LRRC4C: variants seen among roughly 807,000 people sequenced by gnomAD.
The protein encoded by LRRC4C is leucine-rich repeat-containing protein 4C.
In LRRC4C, 5 loss-of-function variants were observed where a neutral mutation model predicts 33.6. That is an observed-to-expected ratio of 0.15 (90% CI 0.08 to 0.31). The LOEUF is 0.31. LRRC4C is among the 10% of genes least tolerant of loss of function. LRRC4C has a pLI of 1.00. For missense variants in LRRC4C, 560 were observed against 796.7 expected, an observed-to-expected ratio of 0.70 and a Z score of 3.58; for synonymous variants, 329 against 302.0, an observed-to-expected ratio of 1.09 and a Z score of -0.93.
chr11:40,736,889 G>A (rs1242557905), intron 2 of LRRC4C, among the ~76,000 whole-genome samples: 1 of 144,176 alleles, frequency 6.9e-6, no homozygotes, highest in Non-Finnish European at 1.5e-5. Context: ...ATTTGTTCAA[G>A]TTCTTTGTAT....
intron 2 of LRRC4C, among the ~76,000 whole-genome samples, chr11:40,910,984 C>A (rs1956651180): frequency 6.6e-6 from 1 of 152,190 alleles, no homozygotes; most frequent in Non-Finnish European, 1.5e-5. Context: ...TGCAAGGCAG[C>A]AGCAAGGCTG....
chr11:40,531,504 A>G (rs1451836276), intron 3 of LRRC4C, among the ~76,000 whole-genome samples: 1 of 152,142 alleles, frequency 6.6e-6, no homozygotes, highest in African/African-American at 2.4e-5. Context: ...AATTAAGCAG[A>G]TATAAAGTGA....
chr11:41,252,764 C>T (rs1948682358), intron 1 of LRRC4C, among the ~76,000 whole-genome samples: 1 of 152,148 alleles, frequency 6.6e-6, no homozygotes. Context: ...GCCTCACAAT[C>T]ATAGCAGAAG....
intron 2 of LRRC4C, among the ~76,000 whole-genome samples, chr11:40,843,966 A>G (rs1434252038): frequency 2.6e-5 from 4 of 152,142 alleles, no homozygotes; most frequent in Non-Finnish European, 5.9e-5. Context: ...AACTTTTTGG[A>G]GCCATATTTT....
intron 3 of LRRC4C, among the ~76,000 whole-genome samples, chr11:40,380,427 T>C (rs1821317493): frequency 2.0e-5 from 3 of 152,212 alleles, no homozygotes; most frequent in Non-Finnish European, 4.4e-5. Flanking sequence ...AATCCTAAGC[T>C]ATATAATATA....
chr11:40,533,822 T>C (rs12291752), intron 3 of LRRC4C, among the ~76,000 whole-genome samples: 13,357 of 152,176 alleles, frequency 0.088, 1,661 homozygotes, highest in African/African-American at 0.28. Context: ...AAGTGAATCC[T>C]GGTGTTTCCT....
intron 5 of LRRC4C, among the ~76,000 whole-genome samples, chr11:40,154,185 G>A (rs1197415245): frequency 6.6e-6 from 1 of 150,762 alleles, no homozygotes; most frequent in Non-Finnish European, 1.5e-5. Flanking sequence ...GCAAAACTAA[G>A]CATCACATAT....
At chr11:41,360,292 C>T (rs72896519) in intron 1 of LRRC4C, among the ~76,000 whole-genome samples, 1 of 152,322 alleles carries the variant, frequency 6.6e-6, no homozygotes, top group Non-Finnish European at 1.5e-5. Flanking sequence ...CTGAGCTCTT[C>T]ACTTTCCAAC....
At position 40,936,284 on chromosome 11, in the gene LRRC4C, T is replaced by G. The variant is rs1488891941; in HGVS notation, c.-495-2561A>C. Among the ~76,000 whole-genome samples the G allele has an allele frequency of 2.0e-5, 3 of 150,042 alleles. No homozygotes were observed. The South Asian group carries it at 6.3e-4, about 32-fold the overall frequency. ...CCTGATTTAAAGGGCCTGAGAAATA[T>G]GTCATATGCTAATAATGAATTTAAT... On this transcript the variant is annotated intron_variant, in intron 1 of 6. Transcript: ENST00000528697.
rs562304559 is a variant in LRRC4C at position 40,239,614 on chromosome 11, T to C, written c.-96+1905A>G. Among the ~76,000 whole-genome samples, 4 of 152,336 alleles carry C rather than the reference T, an allele frequency of 2.6e-5. No homozygotes were observed. The South Asian group carries it at 8.3e-4, about 32-fold the overall frequency. ...CTTGTAAAGAGACAAAAACCAACTC[T>C]TCTCCCTTAGTAATGGATAGACTGT... On this transcript the variant is annotated intron_variant, in intron 5 of 6. Transcript: ENST00000528697.
chr11:41,435,432 A>C (rs1161812051), intron 1 of LRRC4C, among the ~76,000 whole-genome samples: 1 of 152,156 alleles, frequency 6.6e-6, no homozygotes, highest in Non-Finnish European at 1.5e-5. Flanking sequence ...TCTATTACTA[A>C]AGAGAACCCG....
intron 6 of LRRC4C, among the ~76,000 whole-genome samples, chr11:40,139,234 C>T (rs1212360963): frequency 6.6e-6 from 1 of 152,140 alleles, no homozygotes; most frequent in East Asian, 1.9e-4. Context: ...CTGCATATAG[C>T]CTCAAGTCCA....
intron 2 of LRRC4C, among the ~76,000 whole-genome samples, chr11:40,857,010 A>G (rs7929217): frequency 0.7 from 106,296 of 152,110 alleles, 40,935 homozygotes; most frequent in Non-Finnish European, 0.85. Flanking sequence ...CAAACTGTTC[A>G]TTTTATAGAT....
At chr11:40,476,423 A>G (rs2138352289) in intron 3 of LRRC4C, among the ~76,000 whole-genome samples, 1 of 134,828 alleles carries the variant, frequency 7.4e-6, no homozygotes, top group South Asian at 2.3e-4. Flanking sequence ...TCAGCTCACC[A>G]CAGCCTCTGC....
chr11:41,024,508 C>T (rs1185353750), intron 1 of LRRC4C, among the ~76,000 whole-genome samples: 1 of 151,692 alleles, frequency 6.6e-6, no homozygotes, highest in Non-Finnish European at 1.5e-5. Flanking sequence ...TCTTCCAAGA[C>T]ACATTCCTTT....
intron 1 of LRRC4C, among the ~76,000 whole-genome samples, chr11:41,199,698 A>G (rs1450265384): frequency 6.6e-6 from 1 of 152,032 alleles, no homozygotes; most frequent in Non-Finnish European, 1.5e-5. Flanking sequence ...TCCATTGCTT[A>G]TGAAACTCCA....
chr11:40,989,013 C>A (rs1853306515), intron 1 of LRRC4C, among the ~76,000 whole-genome samples: 1 of 152,068 alleles, frequency 6.6e-6, no homozygotes, highest in Admixed American at 6.5e-5. Context: ...AGCCACCGCG[C>A]CTGGCCTCAT....
At chr11:40,985,448 G>T (rs1410782966) in intron 1 of LRRC4C, among the ~76,000 whole-genome samples, 1 of 151,550 alleles carries the variant, frequency 6.6e-6, no homozygotes, top group African/African-American at 2.4e-5. Context: ...TGGTAATATT[G>T]GGGTTAAAAA....
At chr11:41,119,423 G>T (rs1429514775) in intron 1 of LRRC4C, among the ~76,000 whole-genome samples, 3 of 152,126 alleles carry the variant, frequency 2.0e-5, no homozygotes, top group Non-Finnish European at 2.9e-5. Flanking sequence ...TGCTGTACTT[G>T]AGCAAGACAT....
Sources: allele counts gnomAD v4.1 joint callset (sites outside exome capture counted in the v4.1 genomes callset), GRCh38; gene constraint gnomAD v4.1.1; transcripts MANE v1.5; gene names NCBI Gene and HGNC (gene_info 2026-07-23, HGNC 2026-07-21).